The following ATRN variants were observed in gnomAD, a reference collection of about 807,000 sequenced individuals.
ATRN encodes the protein attractin-2.
In ATRN, 54 loss-of-function variants were observed where a neutral mutation model predicts 178.7. The observed-to-expected ratio is 0.30, with a 90% CI of 0.24 to 0.38. ATRN has a LOEUF of 0.38. ATRN is among the 10% of genes least tolerant of loss of function. The probability of loss-of-function intolerance (pLI) is 1.00; values close to 1 mark genes in which losing one functional copy is unlikely to be tolerated. For missense variants in ATRN, 1,443 were observed against 1,815.1 expected (o/e 0.79, Z 3.73); for synonymous variants, 636 against 663.0 (o/e 0.96, Z 0.63).
intron 13 of ATRN, 47 bp downstream of exon 13, chr20:3,575,995 T>C (rs1171702857): frequency 1.1e-5 from 17 of 1,599,790 alleles, no homozygotes; most frequent in Non-Finnish European, 1.4e-5. Context: ...CAATTTGTCA[T>C]AGGTTTAGCT....
rs142900985 is a variant in ATRN at position 3,564,303 on chromosome 20, G to A, written c.1786+940G>A. Among the ~76,000 whole-genome samples the A allele has an allele frequency of 2.0e-5, 3 of 152,330 alleles. No homozygotes were observed. In the East Asian group the frequency reaches 5.8e-4, roughly 29 times the overall value. On this transcript the variant is annotated intron_variant, in intron 10 of 28. Coordinates refer to ENST00000262919, the MANE Select transcript of ATRN (RefSeq NM_139321.3). ...TCTGAGTACCCTTTAAGTCATGGAG[G>A]GTAGAGTGATAAACAGGGAACACTT... is the stretch of plus-strand genomic sequence containing the variant.
At chr20:3,568,915 AAAAATGC>A in intron 11 of ATRN, among the ~76,000 whole-genome samples, 1 of 152,320 alleles carries the variant, frequency 6.6e-6, no homozygotes, top group African/African-American at 2.4e-5. Flanking sequence ...CATAAGGCAC[AAAAATGC>A]ATAAAACATG....
At chr20:3,545,592 A>G (rs1468004750) in intron 3 of ATRN, among the ~76,000 whole-genome samples, 170 bp from the exon 4 acceptor site, 2 of 152,246 alleles carry the variant, frequency 1.3e-5, no homozygotes, top group Non-Finnish European at 2.9e-5. Flanking sequence ...CTGTTCCTCA[A>G]GGATCCAGAA....
chr20:3,528,083 C>A (rs987039167), intron 1 of ATRN, among the ~76,000 whole-genome samples: 53 of 151,648 alleles, frequency 3.5e-4, no homozygotes, highest in Non-Finnish European at 4.6e-4. Context: ...AACAAAAAAA[C>A]CAGAAGGCCG....
chr20:3,562,973 A>G (rs1485277060), intron 9 of ATRN, among the ~76,000 whole-genome samples: 1 of 152,234 alleles, frequency 6.6e-6, no homozygotes, highest in African/African-American at 2.4e-5. Flanking sequence ...CTGGAATTAT[A>G]TAGCTACGGG....
chr20:3,578,436 A>G (rs2086240316), intron 14 of ATRN, 146 bp from the exon 15 acceptor site: 3 of 660,106 alleles, frequency 4.5e-6, no homozygotes, highest in Middle Eastern at 7.7e-4. Flanking sequence ...GTCCTTAATA[A>G]TGTGTCAGAG....
At chr20:3,551,171 G>A (rs920284851) in intron 6 of ATRN, among the ~76,000 whole-genome samples, 1 of 152,182 alleles carries the variant, frequency 6.6e-6, no homozygotes, top group African/African-American at 2.4e-5. Flanking sequence ...GGAACACCTA[G>A]AATACTATGC....
intron 1 of ATRN, among the ~76,000 whole-genome samples, chr20:3,526,858 G>A (rs969582390): frequency 6.6e-5 from 10 of 152,086 alleles, no homozygotes; most frequent in East Asian, 1.9e-4. Context: ...AAATGGTGTC[G>A]GGAAAACTGG....
rs370708747 is a variant in ATRN, at chr20:3,632,401, C to T, written c.3864-1910C>T. Among the ~76,000 whole-genome samples the T allele has an allele frequency of 6.6e-6, 1 of 152,120 alleles. No individual in the cohort carries two copies. The highest frequency in any genetic ancestry group is 2.4e-5 in the African/African-American group (1 of 41,432). On this transcript the variant is annotated intron_variant, in intron 25 of 28. Coordinates refer to ENST00000262919, the MANE Select transcript of ATRN (RefSeq NM_139321.3). This position sits in a 1 kb window ranked among gnomAD's most constrained non-coding sequence, Gnocchi z 4.2. ...CACATGATCTGCCCTTCACCCTCAC[C>T]CTTCTCTCTGCCTTTGTCTCTGGCC...
At chr20:3,553,338 C>G (rs1042473221) in intron 6 of ATRN, among the ~76,000 whole-genome samples, 8 of 152,122 alleles carry the variant, frequency 5.3e-5, no homozygotes, top group African/African-American at 1.4e-4. Context: ...CTCTTCGTAC[C>G]ATAATTTCAT....
intron 1 of ATRN, among the ~76,000 whole-genome samples, chr20:3,518,415 A>G (rs984762536): frequency 1.3e-5 from 2 of 152,220 alleles, no homozygotes; most frequent in African/African-American, 4.8e-5. Flanking sequence ...GAAAAGACAC[A>G]TGGTTGTATG....
intron 1 of ATRN, among the ~76,000 whole-genome samples, chr20:3,528,315 C>G (rs1008937953): frequency 3.3e-5 from 5 of 151,512 alleles, no homozygotes; most frequent in Non-Finnish European, 1.5e-5. Context: ...TGCAGTTGAC[C>G]GAGATTGCGC....
Position 3,471,133 on chromosome 20 carries a change from A to G in ATRN, c.26A>G (p.Glu9Gly), listed in dbSNP as rs1013943171. 2.0e-6 allele frequency: 3 copies of G among 1,510,076 alleles called. No homozygotes were observed. The highest frequency in any genetic ancestry group is 2.9e-5 in the African/African-American group (2 of 69,646). The allele number at this position is 1,510,076 out of a possible 1,614,324, so 93.5% of individuals were successfully genotyped here. The part of the protein sequence containing the change: MVAAAAAT[E>G]ARLRRRTAAT... Reference sequence around the variant, plus strand: ...ATGGTGGCTGCAGCGGCGGCAACTGAGGCAAGGCTGAGGAGGAGGACGGCG... The same window carrying G: ...ATGGTGGCTGCAGCGGCGGCAACTGGGGCAAGGCTGAGGAGGAGGACGGCG... The change falls in exon 1 of 29, where the codon GAG becomes GGG. Residue 9 changes from glutamate to glycine, a missense_variant. By Grantham distance (98) the Glu-to-Gly change is moderately conservative. Transcript: ENST00000262919.
intron 27 of ATRN, among the ~76,000 whole-genome samples, chr20:3,639,177 GCTTTT>G (rs1330908071): frequency 6.6e-6 from 1 of 152,160 alleles, no homozygotes; most frequent in Non-Finnish European, 1.5e-5. Context: ...TGATTTGTCT[GCTTTT>G]CTTTTAAGTA....
At chr20:3,609,708 GTATGTA>G (rs1443013333) in intron 24 of ATRN, among the ~76,000 whole-genome samples, 11 of 121,980 alleles carry the variant, frequency 9.0e-5, no homozygotes, top group African/African-American at 3.7e-4. Context: ...AATGTGGTAT[GTATGTA>G]TGTGTGTGTG....
chr20:3,584,003 A>G lies in ATRN; in HGVS notation c.2870A>G (p.Gln957Arg), dbSNP rs753407058. 3 of 1,614,158 alleles carry G rather than the reference A, an allele frequency of 1.9e-6. No homozygotes were observed. In the South Asian group the frequency reaches 3.3e-5, roughly 18 times the overall value. The change falls in exon 17 of 29, where the codon CAG (glutamine) becomes CGG (arginine). Residue 957 changes from glutamine (Q) to arginine (R), a missense_variant. By Grantham distance (43) the Gln-to-Arg change is conservative (BLOSUM62 1). Transcript: ENST00000262919. ...SECMWCSNMK[Q>R]CVDSNAYVAS... ...TGCATGTGGTGCAGCAACATGAAGC[A>G]GTGTGTGGACTCCAATGCCTACGTG... is the stretch of plus-strand genomic sequence containing the variant.
intron 1 of ATRN, among the ~76,000 whole-genome samples, chr20:3,497,566 C>A (rs1378279149): frequency 6.6e-6 from 1 of 152,074 alleles, no homozygotes; most frequent in East Asian, 1.9e-4. Flanking sequence ...TGTGGGTAAC[C>A]CGACCTTTCT....
intron 1 of ATRN, among the ~76,000 whole-genome samples, chr20:3,501,689 G>T (rs1389949260): frequency 1.3e-5 from 2 of 152,202 alleles, no homozygotes; most frequent in Non-Finnish European, 2.9e-5. Flanking sequence ...TGGAGAGAAG[G>T]TAAACTCAGG....
At chr20:3,520,363 C>T (rs1197573924) in intron 1 of ATRN, among the ~76,000 whole-genome samples, 1 of 151,854 alleles carries the variant, frequency 6.6e-6, no homozygotes, top group African/African-American at 2.4e-5. Context: ...TGTTTGACAT[C>T]TTGTTTATAA....
Sources: allele counts gnomAD v4.1 joint callset (sites outside exome capture counted in the v4.1 genomes callset), GRCh38; gene constraint gnomAD v4.1.1; non-coding constraint Gnocchi (gnomAD v3.1); transcripts MANE v1.5; gene names NCBI Gene and HGNC (gene_info 2026-07-23, HGNC 2026-07-21).